The following LRP5 variants were observed in gnomAD, a reference collection of about 807,000 sequenced individuals.
LRP5 encodes LDL receptor related protein 5.
A neutral mutation model predicts 154.1 loss-of-function variants in LRP5; 62 were observed. The observed-to-expected ratio is 0.40, with a 90% CI of 0.33 to 0.50. The LOEUF (loss-of-function observed/expected upper bound fraction) is 0.50. Ranked by LOEUF, LRP5 falls within the 20% of genes least tolerant of loss-of-function variation. The probability of loss-of-function intolerance (pLI) is 0.55; values close to 1 mark genes in which losing one functional copy is unlikely to be tolerated. For synonymous variants in LRP5, 966 were observed against 1,011.5 expected (o/e 0.96, Z 0.85); for missense variants, 1,915 against 2,336.7 (o/e 0.82, Z 3.72).
chr11:68,320,765 T>A (rs2098596304), intron 1 of LRP5, among the ~76,000 whole-genome samples: 1 of 152,216 alleles, frequency 6.6e-6, no homozygotes, highest in African/African-American at 2.4e-5. Context: ...CCAGCCTGTT[T>A]ATCTTTTTCT....
chr11:68,404,842 C>T (rs1188673459), intron 8 of LRP5, among the ~76,000 whole-genome samples: 3 of 151,592 alleles, frequency 2.0e-5, no homozygotes, highest in African/African-American at 7.3e-5. Flanking sequence ...CGGTGGCAGG[C>T]GCCTGTAGTC....
Position 68,410,019 on chromosome 11 carries a change from T to C in LRP5, c.2197T>C (p.Tyr733His), listed in dbSNP as rs746701187. The stretch of plus-strand genomic sequence containing the variant: ...CGTTGACTGGATGGGCAAGAACCTC[T>C]ACTGGGCCGACACTGGGACCAACAG... Reference protein sequence around the residue: ...MAVDWMGKNLYWADTGTNRIE... With the variant: ...MAVDWMGKNLHWADTGTNRIE... Residue 733 changes from tyrosine to histidine, a missense_variant, in exon 10 of 23, where the codon TAC becomes CAC. Transcript: ENST00000294304. 1 of 1,614,078 alleles carries C rather than the reference T, an allele frequency of 6.2e-7. No homozygotes were observed. Among genetic ancestry groups the C allele is most frequent in the Non-Finnish European group, 8.5e-7 (1 of 1,179,990 alleles).
chr11:68,312,667 A>T lies in LRP5; in HGVS notation c.-48A>T, dbSNP rs1255208804. Reference sequence around the variant, plus strand: ...CGCGAGGAGCCGCCGCCGCCGCGCCATGGAGCCCGAGTGAGCGCGGCGCGG... The same window carrying T: ...CGCGAGGAGCCGCCGCCGCCGCGCCTTGGAGCCCGAGTGAGCGCGGCGCGG... On this transcript the variant is annotated 5_prime_UTR_variant, in exon 1 of 23. The change abolishes an upstream ATG in the 5' untranslated region. Transcript: ENST00000294304. 3 of 869,628 alleles carry T rather than the reference A, an allele frequency of 3.4e-6. No homozygotes were observed. The highest frequency in any genetic ancestry group is 4.1e-6 in the Non-Finnish European group (3 of 724,340). 53.9% of individuals were successfully genotyped at this position (869,628 alleles called of 1,614,324 possible).
chr11:68,444,992 G>A (rs1293329235), intron 21 of LRP5, among the ~76,000 whole-genome samples: 1 of 152,180 alleles, frequency 6.6e-6, no homozygotes, highest in Non-Finnish European at 1.5e-5. Flanking sequence ...TAAAGGGCAG[G>A]GGAAGGGCCT....
intron 5 of LRP5, among the ~76,000 whole-genome samples, chr11:68,385,121 G>A (rs1325423901): frequency 6.6e-6 from 1 of 152,212 alleles, no homozygotes; most frequent in African/African-American, 2.4e-5. Flanking sequence ...CCTGCCCTCA[G>A]CTAGAGAGGG....
intron 16 of LRP5, among the ~76,000 whole-genome samples, chr11:68,428,823 G>A (rs1274837380): frequency 1.6e-5 from 2 of 128,510 alleles, no homozygotes; most frequent in East Asian, 2.4e-4. Flanking sequence ...GTTCACGCCT[G>A]TAATCTCAGC....
At chr11:68,434,596 T>G (rs1193168892) in intron 18 of LRP5, among the ~76,000 whole-genome samples, 1 of 152,154 alleles carries the variant, frequency 6.6e-6, no homozygotes, top group Non-Finnish European at 1.5e-5. Context: ...GCCAGGCTGG[T>G]CTCGAACTCC....
intron 3 of LRP5, among the ~76,000 whole-genome samples, chr11:68,360,149 C>T (rs1263967889): frequency 1.3e-5 from 2 of 151,634 alleles, no homozygotes; most frequent in Non-Finnish European, 2.9e-5. Flanking sequence ...GTAGCTGAGA[C>T]CACAGGCACG....
chr11:68,357,050 C>CTCA (rs1311255470), intron 2 of LRP5, among the ~76,000 whole-genome samples: 2 of 152,024 alleles, frequency 1.3e-5, no homozygotes, highest in Non-Finnish European at 2.9e-5. Flanking sequence ...ATTCTCCTGC[C>CTCA]TCAGCCTCCT....
At chr11:68,431,099 C>T (rs1055959385) in intron 17 of LRP5, among the ~76,000 whole-genome samples, 1 of 152,178 alleles carries the variant, frequency 6.6e-6, no homozygotes, top group Non-Finnish European at 1.5e-5. Context: ...GGCTTTCTCT[C>T]CTATGCCCCC....
At chr11:68,308,027 C>G (rs960576717), upstream of LRP5, among the ~76,000 whole-genome samples, 20 of 152,358 alleles carry the variant, frequency 1.3e-4, no homozygotes, top group Admixed American at 7.2e-4. Flanking sequence ...CCAACCAAGC[C>G]CTCCAGAGCC....
chr11:68,417,927 C>T (rs1181487455), intron 13 of LRP5, among the ~76,000 whole-genome samples: 1 of 151,702 alleles, frequency 6.6e-6, no homozygotes, highest in African/African-American at 2.4e-5. Flanking sequence ...AAGAGCAAAA[C>T]TCCATCTCAA....
At chr11:68,437,898 T>G (rs572281274) in intron 19 of LRP5, among the ~76,000 whole-genome samples, 6 of 152,368 alleles carry the variant, frequency 3.9e-5, no homozygotes, top group Admixed American at 3.9e-4. Flanking sequence ...TCCATTCCGC[T>G]GACTTCATCG....
At chr11:68,441,110 G>A (rs947832889) in intron 21 of LRP5, among the ~76,000 whole-genome samples, 2 of 151,332 alleles carry the variant, frequency 1.3e-5, no homozygotes, top group African/African-American at 2.4e-5. Context: ...ACAGGGTCTC[G>A]CTCTGTCACC....
intron 1 of LRP5, among the ~76,000 whole-genome samples, chr11:68,333,065 GA>G (rs1301785285): frequency 6.6e-6 from 1 of 152,154 alleles, no homozygotes; most frequent in Non-Finnish European, 1.5e-5. Context: ...AAAGCCCAAG[GA>G]AAAACATGAA....
chr11:68,317,025 C>T (rs988262354), intron 1 of LRP5, among the ~76,000 whole-genome samples: 4 of 152,272 alleles, frequency 2.6e-5, no homozygotes, highest in Non-Finnish European at 4.4e-5. Context: ...GCCTTGTTCA[C>T]TTATTTGTTC....
intron 2 of LRP5, among the ~76,000 whole-genome samples, chr11:68,355,964 C>T (rs558691884): frequency 3.2e-4 from 49 of 152,118 alleles, no homozygotes; most frequent in South Asian, 3.1e-3. Context: ...CTCAGCCTCC[C>T]GAGTAGCTGT....
rs144121387 is a variant in LRP5 at position 68,446,373 on chromosome 11, G to A, written c.4489-63G>A. 6,081 of 1,125,778 alleles carry A rather than the reference G, an allele frequency of 5.4e-3. 35 individuals are homozygous for A. The highest frequency in any genetic ancestry group is 0.02 in the Middle Eastern group (101 of 5,112). 69.7% of individuals were successfully genotyped at this position (1,125,778 alleles called of 1,614,324 possible). ...CTGCAAGGAAAGCCCGAGGGGTGTGGGAGGAAGGAAGGAATGCCCAGGCTG... is the reference window on the plus strand; with the variant it reads ...CTGCAAGGAAAGCCCGAGGGGTGTGAGAGGAAGGAAGGAATGCCCAGGCTG... On this transcript the variant is annotated intron_variant, in intron 21 of 22. Transcript: ENST00000294304.
At chr11:68,359,816 T>C (rs1486651656) in intron 3 of LRP5, among the ~76,000 whole-genome samples, 1 of 151,208 alleles carries the variant, frequency 6.6e-6, no homozygotes, top group Non-Finnish European at 1.5e-5. Flanking sequence ...GGATGGAGTC[T>C]TGCTCTGTCC....
Sources: gnomAD v4.1 joint callset for allele counts (sites outside exome capture counted in the v4.1 genomes callset) on GRCh38, gnomAD v4.1.1 for gene constraint, MANE v1.5 for transcripts, NCBI Gene and HGNC (gene_info 2026-07-23, HGNC 2026-07-21) for gene names.